The following SLC2A13 variants were observed in gnomAD, a reference collection of about 807,000 sequenced individuals.
SLC2A13 encodes the protein solute carrier family 2 member 13.
SLC2A13 carries 32 observed loss-of-function variants against 64.4 expected under a neutral mutation model. That is an observed-to-expected ratio of 0.50 (90% CI 0.37 to 0.67). SLC2A13 has a LOEUF of 0.67. Ranked by LOEUF, SLC2A13 falls within the 30% of genes least tolerant of loss-of-function variation. SLC2A13 has a pLI of 0.00. For missense variants in SLC2A13, 743 were observed against 829.2 expected (o/e 0.90, Z 1.28); for synonymous variants, 338 against 327.1 (o/e 1.03, Z -0.36).
At chr12:40,028,622 G>T in intron 2 of SLC2A13, 113 bp from the exon 3 acceptor site, 1 of 975,868 alleles carries the variant, frequency 1.0e-6, no homozygotes, top group Non-Finnish European at 1.5e-6. Context: ...AAGTTAGCCA[G>T]AATTATTTGT....
At chr12:39,838,321 T>A (rs1294347894) in intron 6 of SLC2A13, among the ~76,000 whole-genome samples, 1 of 125,924 alleles carries the variant, frequency 7.9e-6, no homozygotes, top group South Asian at 2.6e-4. Flanking sequence ...AAGGGGAATA[T>A]CACACTCTGG....
At chr12:39,839,067 CAAT>C (rs1205628115) in intron 6 of SLC2A13, among the ~76,000 whole-genome samples, 1 of 152,028 alleles carries the variant, frequency 6.6e-6, no homozygotes, top group African/African-American at 2.4e-5. Context: ...CTATTTTGTG[CAAT>C]AATGTCACTC....
At chr12:39,780,108 G>A (rs1940926156) in intron 7 of SLC2A13, among the ~76,000 whole-genome samples, 2 of 152,164 alleles carry the variant, frequency 1.3e-5, no homozygotes, top group East Asian at 1.9e-4. Context: ...CGTTTGTATA[G>A]AGACTTACCG....
chr12:40,081,846 G>T (rs893503894), intron 1 of SLC2A13, among the ~76,000 whole-genome samples: 1 of 152,156 alleles, frequency 6.6e-6, no homozygotes. Context: ...CCTTCATATA[G>T]GGCTTTTTGC....
chr12:40,102,557 G>A (rs1343107549), intron 1 of SLC2A13, among the ~76,000 whole-genome samples: 7 of 152,120 alleles, frequency 4.6e-5, no homozygotes, highest in Admixed American at 3.9e-4. Flanking sequence ...TTTACCACAG[G>A]TAAACGTGTG....
chr12:39,980,206 C>G (rs1944553811), intron 3 of SLC2A13, among the ~76,000 whole-genome samples: 1 of 152,044 alleles, frequency 6.6e-6, no homozygotes, highest in Non-Finnish European at 1.5e-5. Flanking sequence ...CCAGTACCAG[C>G]CACTGCAAAA....
chr12:40,075,174 G>A (rs530747590), intron 1 of SLC2A13, among the ~76,000 whole-genome samples: 2 of 152,166 alleles, frequency 1.3e-5, no homozygotes, highest in African/African-American at 4.8e-5. Context: ...AAACCTGGTA[G>A]AGCAGCAAGA....
chr12:39,928,292 T>C (rs1945761702), intron 4 of SLC2A13, among the ~76,000 whole-genome samples: 1 of 152,166 alleles, frequency 6.6e-6, no homozygotes, highest in Non-Finnish European at 1.5e-5. Flanking sequence ...ATCTTAATCT[T>C]ACTCATATTA....
intron 6 of SLC2A13, among the ~76,000 whole-genome samples, chr12:39,863,928 C>T (rs1943835833): frequency 6.6e-6 from 1 of 152,132 alleles, no homozygotes; most frequent in Non-Finnish European, 1.5e-5. Flanking sequence ...AAATCATTTA[C>T]TCATTGATTT....
At chr12:39,791,216 A>G (rs940386726) in intron 7 of SLC2A13, among the ~76,000 whole-genome samples, 2 of 150,442 alleles carry the variant, frequency 1.3e-5, no homozygotes, top group Admixed American at 6.6e-5. Flanking sequence ...TATTGATGGG[A>G]CATATTTCAA....
Position 39,764,484 on chromosome 12 carries a change from T to G in SLC2A13, c.1696A>C (p.Thr566Pro). The G allele has an allele frequency of 6.2e-7, 1 of 1,602,136 alleles. No homozygotes were observed. The highest frequency in any genetic ancestry group is 8.5e-7 in the Non-Finnish European group (1 of 1,176,638). ...NVLVSLTFLH[T>P]AEYLTYYGAF... Reference sequence around the variant, plus strand: ...CCATAGTATGTAAGATACTCTGCTGTGTGTAAAAATGTTAGTGAAACCAGG... The same window carrying G: ...CCATAGTATGTAAGATACTCTGCTGGGTGTAAAAATGTTAGTGAAACCAGG... The change falls in exon 9 of 10, where the codon ACA (threonine) becomes CCA (proline). Residue 566 changes from threonine (T) to proline (P), a missense_variant. Thr to Pro is a conservative substitution (Grantham distance 38). This residue lies in a region of SLC2A13 where 295 missense variants were observed against 381.7 expected (regional missense o/e 0.77). Transcript: ENST00000280871.
chr12:39,996,414 T>C (rs1260053856), intron 3 of SLC2A13, among the ~76,000 whole-genome samples: 2 of 152,164 alleles, frequency 1.3e-5, no homozygotes, highest in Non-Finnish European at 2.9e-5. Context: ...GAAAATCCCA[T>C]TTTCTGAGGA....
At chr12:39,810,069 G>A (rs1157942606) in intron 7 of SLC2A13, among the ~76,000 whole-genome samples, 1 of 152,186 alleles carries the variant, frequency 6.6e-6, no homozygotes, top group East Asian at 1.9e-4. Context: ...CTAGATCCCT[G>A]AGGAATCGCC....
intron 1 of SLC2A13, among the ~76,000 whole-genome samples, chr12:40,085,540 C>G (rs1938562166): frequency 6.6e-6 from 1 of 152,120 alleles, no homozygotes; most frequent in African/African-American, 2.4e-5. Flanking sequence ...GGGGAGAAAT[C>G]CCCCACATTT....
intron 1 of SLC2A13, among the ~76,000 whole-genome samples, chr12:40,068,830 G>T (rs1263494137): frequency 2.0e-5 from 3 of 147,470 alleles, no homozygotes; most frequent in Non-Finnish European, 3.0e-5. Context: ...GAGATCTCTT[G>T]TTTTTTTTTT....
At chr12:39,844,202 T>C (rs1280898221) in intron 6 of SLC2A13, among the ~76,000 whole-genome samples, 2 of 152,088 alleles carry the variant, frequency 1.3e-5, no homozygotes, top group African/African-American at 2.4e-5. Context: ...TAACAGGTGC[T>C]GATTTCTAAA....
chr12:39,945,911 T>C (rs10747955), intron 4 of SLC2A13, among the ~76,000 whole-genome samples: 14 of 148,584 alleles, frequency 9.4e-5, no homozygotes, highest in East Asian at 2.0e-4. Context: ...TGATTTTTTG[T>C]GGGGGGGTGT....
chr12:39,915,950 T>A (rs776135118), intron 4 of SLC2A13, among the ~76,000 whole-genome samples: 5 of 151,226 alleles, frequency 3.3e-5, no homozygotes, highest in Non-Finnish European at 7.4e-5. Flanking sequence ...ACCACTTACA[T>A]TTATTCAAAA....
At chr12:40,099,189 G>T (rs1003820817) in intron 1 of SLC2A13, among the ~76,000 whole-genome samples, 3 of 152,186 alleles carry the variant, frequency 2.0e-5, no homozygotes, top group Non-Finnish European at 4.4e-5. Context: ...TGTGGGAAAA[G>T]TTTGAGGTTT....
Sources: allele counts gnomAD v4.1 joint callset (sites outside exome capture counted in the v4.1 genomes callset), GRCh38; gene constraint gnomAD v4.1.1; regional missense constraint gnomAD v4.1.1; transcripts MANE v1.5; gene names NCBI Gene and HGNC (gene_info 2026-07-23, HGNC 2026-07-21).